ADCY2: variants seen among roughly 807,000 people sequenced by gnomAD.
The protein encoded by ADCY2 is adenylate cyclase type 2.
A neutral mutation model predicts 125.2 loss-of-function variants in ADCY2; 31 were observed. The observed-to-expected ratio is 0.25, with a 90% CI of 0.19 to 0.33. ADCY2 has a LOEUF of 0.33. ADCY2 is among the 10% of genes least tolerant of loss of function. ADCY2 has a pLI of 1.00. For missense variants in ADCY2, 904 were observed against 1,418.2 expected (o/e 0.64, Z 5.82); for synonymous variants, 512 against 548.4 (o/e 0.93, Z 0.93).
intron 11 of ADCY2, 104 bp from the exon 12 acceptor site, chr5:7,717,053 C>G (rs1231705481): frequency 4.4e-6 from 3 of 686,332 alleles, no homozygotes; most frequent in Non-Finnish European, 7.6e-6. Flanking sequence ...AAAATGTCAT[C>G]TGTATCTCAT....
intron 24 of ADCY2, among the ~76,000 whole-genome samples, chr5:7,820,969 G>T (rs147052127): frequency 6.6e-6 from 1 of 152,298 alleles, no homozygotes; most frequent in Non-Finnish European, 1.5e-5. Flanking sequence ...TGAGCATTCA[G>T]TACAGGAGAA....
At chr5:7,484,125 G>T (rs1481544929) in intron 2 of ADCY2, among the ~76,000 whole-genome samples, 1 of 151,984 alleles carries the variant, frequency 6.6e-6, no homozygotes, top group Admixed American at 6.6e-5. Context: ...TCTTCCTCTT[G>T]ACAAAATACA....
chr5:7,482,791 T>TATATAC (rs1443104319), intron 2 of ADCY2, among the ~76,000 whole-genome samples: 4 of 139,838 alleles, frequency 2.9e-5, no homozygotes, highest in African/African-American at 8.4e-5. Context: ...TATATATATA[T>TATATAC]ACACACACAC....
chr5:7,531,574 G>GA (rs139390475), intron 3 of ADCY2, among the ~76,000 whole-genome samples: 3,330 of 152,268 alleles, frequency 0.022, 119 homozygotes, highest in African/African-American at 0.077. Flanking sequence ...GGTTATGAGG[G>GA]AGACTGCTTT....
intron 7 of ADCY2, among the ~76,000 whole-genome samples, chr5:7,704,234 C>T (rs1229462982): frequency 6.6e-6 from 1 of 152,118 alleles, no homozygotes; most frequent in East Asian, 1.9e-4. Context: ...GGGTTTTTGC[C>T]AGATGGTCTC....
chr5:7,707,772 T>C lies in ADCY2; in HGVS notation c.1335T>C (p.Asp445=). 6 of 1,614,118 alleles carry C rather than the reference T, an allele frequency of 3.7e-6. No individual in the cohort carries two copies. Among genetic ancestry groups the C allele is most frequent in the Non-Finnish European group, 5.1e-6 (6 of 1,179,998 alleles). The stretch of plus-strand genomic sequence containing the variant: ...GCGCTTATAAAGTGGAGGAGGGAGA[T>C]GGTGACATTAGGGACCCATATTTAA... ...LNGAYKVEEG[D]GDIRDPYLKQ... Residue 445 remains aspartate (D), a synonymous_variant, in exon 9 of 25, where the codon GAT becomes GAC. Transcript: ENST00000338316.
At chr5:7,623,578 G>C (rs921622559) in intron 3 of ADCY2, among the ~76,000 whole-genome samples, 1 of 152,148 alleles carries the variant, frequency 6.6e-6, no homozygotes, top group Non-Finnish European at 1.5e-5. Context: ...GGTCATCAGG[G>C]CTTTCCACAT....
intron 24 of ADCY2, among the ~76,000 whole-genome samples, chr5:7,825,465 G>A (rs1465702516): frequency 6.6e-6 from 1 of 152,266 alleles, no homozygotes; most frequent in African/African-American, 2.4e-5. Flanking sequence ...ACCTGGCACA[G>A]GTTTGTCACT....
At chr5:7,477,526 G>T (rs770074656) in intron 2 of ADCY2, among the ~76,000 whole-genome samples, 3 of 151,782 alleles carry the variant, frequency 2.0e-5, no homozygotes, top group Non-Finnish European at 4.4e-5. Context: ...TGCCAGAAAA[G>T]ACAGCACCTG....
chr5:7,702,692 G>A (rs1302145802), intron 7 of ADCY2, among the ~76,000 whole-genome samples: 3 of 152,216 alleles, frequency 2.0e-5, no homozygotes, highest in Admixed American at 2.0e-4. Flanking sequence ...AAACATACGT[G>A]TGCATGCGTC....
At chr5:7,703,512 T>G (rs1398178904) in intron 7 of ADCY2, among the ~76,000 whole-genome samples, 5 of 152,156 alleles carry the variant, frequency 3.3e-5, no homozygotes, top group Admixed American at 6.5e-5. Context: ...TTTTGTCAGG[T>G]TTGTCAAAGA....
intron 2 of ADCY2, among the ~76,000 whole-genome samples, chr5:7,458,638 A>G (rs77077485): frequency 0.02 from 3,114 of 152,284 alleles, 50 homozygotes; most frequent in Non-Finnish European, 0.031. Flanking sequence ...GCTCTCTCAA[A>G]GAAGTACAAG....
chr5:7,747,083 T>A (rs1742648753), intron 15 of ADCY2, among the ~76,000 whole-genome samples: 1 of 152,214 alleles, frequency 6.6e-6, no homozygotes, highest in Non-Finnish European at 1.5e-5. Flanking sequence ...TTTTCTGTGA[T>A]CATTATTTCT....
intron 2 of ADCY2, among the ~76,000 whole-genome samples, chr5:7,465,034 CT>C (rs1405098665): frequency 1.3e-5 from 2 of 152,106 alleles, no homozygotes; most frequent in Non-Finnish European, 2.9e-5. Context: ...GGGGTTTCCC[CT>C]TATAAAACCA....
intron 2 of ADCY2, among the ~76,000 whole-genome samples, chr5:7,511,530 G>T (rs893098851): frequency 1.3e-5 from 2 of 151,920 alleles, no homozygotes; most frequent in Admixed American, 6.5e-5. Flanking sequence ...AGCTGAGATC[G>T]CACCACTGCA....
At chr5:7,628,040 G>T (rs1353808014) in intron 4 of ADCY2, among the ~76,000 whole-genome samples, 3 of 152,122 alleles carry the variant, frequency 2.0e-5, no homozygotes, top group Admixed American at 2.0e-4. Context: ...GTTAACTTGG[G>T]ACTATTATCC....
In ADCY2 at chr5:7,826,964, G is replaced by A. The variant is rs777576618; in HGVS notation, c.*93G>A. On this transcript the variant is annotated 3_prime_UTR_variant, in exon 25 of 25. Coordinates refer to ENST00000338316, the MANE Select transcript of ADCY2 (RefSeq NM_020546.3). ...CTTCTGTCCCTTGTTTTTGATGTGC[G>A]TGCTGTCTGTCCTATGGAGCCTCTG... 53 of 1,459,828 alleles carry A rather than the reference G, an allele frequency of 3.6e-5. No homozygotes were observed. The highest frequency in any genetic ancestry group is 1.0e-4 in the Admixed American group (5 of 47,766). The allele number at this position is 1,459,828 out of a possible 1,614,324, so 90.4% of individuals were successfully genotyped here.
intron 3 of ADCY2, among the ~76,000 whole-genome samples, chr5:7,598,457 C>T (rs918218865): frequency 6.6e-6 from 1 of 152,162 alleles, no homozygotes; most frequent in African/African-American, 2.4e-5. Context: ...AACATAATCC[C>T]CTTGGAGGTT....
chr5:7,396,584 G>T lies in ADCY2; in HGVS notation c.210+78G>T, dbSNP rs1050471960. On this transcript the variant is annotated intron_variant, in intron 1 of 24. Coordinates refer to ENST00000338316, the MANE Select transcript of ADCY2 (RefSeq NM_020546.3). The surrounding 1 kb of genome is among the most constrained non-coding windows in gnomAD (Gnocchi z 5.7). ...AGCCCGGCCAGCCGAGCCGCGTCCC[G>T]CTCCGGGCTGCCCCTCGGCCCGCGG... 8 of 1,284,054 alleles carry T rather than the reference G, an allele frequency of 6.2e-6. No homozygotes were observed. Among genetic ancestry groups the T allele is most frequent in the Non-Finnish European group, 7.1e-6 (7 of 981,002 alleles). 79.5% of individuals were successfully genotyped at this position (1,284,054 alleles called of 1,614,324 possible).
Sources: gnomAD v4.1 joint callset for allele counts (sites outside exome capture counted in the v4.1 genomes callset) on GRCh38, gnomAD v4.1.1 for gene constraint, Gnocchi (gnomAD v3.1) non-coding constraint, MANE v1.5 for transcripts, NCBI Gene and HGNC (gene_info 2026-07-23, HGNC 2026-07-21) for gene names.